Variants in NRXN1 observed in about 807,000 individuals in gnomAD.
NRXN1 encodes neurexin 1.
NRXN1 carries 39 observed loss-of-function variants against 150.9 expected under a neutral mutation model. That is an observed-to-expected ratio of 0.26 (90% CI 0.20 to 0.34). The LOEUF is 0.34. Ranked by LOEUF, NRXN1 falls within the 10% of genes least tolerant of loss-of-function variation. The pLI is 1.00. For missense variants in NRXN1, 1,815 were observed against 1,949.9 expected (o/e 0.93, Z 1.30); for synonymous variants, 924 against 757.0 (o/e 1.22, Z -3.62).
chr2:51,006,664 A>T (rs966949143), intron 2 of NRXN1, among the ~76,000 whole-genome samples: 24 of 151,906 alleles, frequency 1.6e-4, no homozygotes, highest in African/African-American at 5.3e-4. Context: ...CTTGCCCCTT[A>T]ATATAGTTAC....
rs909100538 is a variant in NRXN1 at position 50,506,611 on chromosome 2, C to T, written c.2381G>A (p.Gly794Asp). 2.5e-6 allele frequency: 4 copies of T among 1,613,020 alleles called. No individual in the cohort carries two copies. Among genetic ancestry groups the T allele is most frequent in the Non-Finnish European group, 3.4e-6 (4 of 1,179,390 alleles). ...ATAGCCAGCAAAAAGAGTCTCGGGA[C>T]CTTTGCCTGTAGAATATGCCAAACA... The part of the protein sequence containing the change: ...CIRINCNSSK[G>D]PETLFAGYNL... The change falls in exon 13 of 23, where the codon GGT (glycine) becomes GAT (aspartate). Residue 794 changes from glycine (G) to aspartate (D), a missense_variant. Physicochemically the swap from Gly to Asp is moderately conservative, Grantham distance 94 (BLOSUM62 -1). Around this residue, in one of 6 missense-constraint regions of NRXN1, gnomAD observed 638 missense variants for 652.6 expected, o/e 0.98. Transcript: ENST00000401669.
rs141595520 is a variant in NRXN1 at position 50,680,497 on chromosome 2, T to C, written c.833-56882A>G. ...GGTAAAATACAGTTAAAGAGCAACATTGTTATAATGTTGATACAAAGTCAA... is the reference window on the plus strand; with the variant it reads ...GGTAAAATACAGTTAAAGAGCAACACTGTTATAATGTTGATACAAAGTCAA... On this transcript the variant is annotated intron_variant, in intron 5 of 22. Transcript: ENST00000401669. Among the ~76,000 whole-genome samples the C allele has an allele frequency of 2.1e-3, 323 of 152,178 alleles. 2 individuals are homozygous for C. Among genetic ancestry groups the C allele is most frequent in the African/African-American group, 7.4e-3 (306 of 41,544 alleles).
intron 17 of NRXN1, among the ~76,000 whole-genome samples, chr2:50,240,275 T>C (rs963936770): frequency 6.6e-6 from 1 of 151,740 alleles, no homozygotes; most frequent in African/African-American, 2.4e-5. Context: ...CCACCAGATA[T>C]ATCCTGAGAG....
At chr2:50,042,745 G>T (rs1187731294) in intron 21 of NRXN1, among the ~76,000 whole-genome samples, 2 of 151,902 alleles carry the variant, frequency 1.3e-5, no homozygotes, top group African/African-American at 4.8e-5. Context: ...AAAACTTAAG[G>T]TTATAATCTC....
chr2:50,284,049 G>A (rs2071798981), intron 17 of NRXN1, among the ~76,000 whole-genome samples: 1 of 152,128 alleles, frequency 6.6e-6, no homozygotes, highest in Non-Finnish European at 1.5e-5. Flanking sequence ...GCAAAGTGAT[G>A]CATCACAAAT....
intron 17 of NRXN1, among the ~76,000 whole-genome samples, chr2:50,328,149 G>A (rs537169657): frequency 2.0e-5 from 3 of 152,150 alleles, no homozygotes; most frequent in African/African-American, 7.2e-5. Flanking sequence ...ACCTAGGGTG[G>A]CTTTGAATGT....
At chr2:50,019,947 C>CAAAAAAAAAAAAAAAAAAAAA (rs1161865745) in intron 21 of NRXN1, among the ~76,000 whole-genome samples, 2 of 43,358 alleles carry the variant, frequency 4.6e-5, no homozygotes, top group Non-Finnish European at 9.8e-5. Context: ...GACTCCGTCT[C>CAAAAAAAAAAAAAAAAAAAAA]AAAAAAAAAA....
intron 18 of NRXN1, among the ~76,000 whole-genome samples, chr2:50,163,849 G>T (rs2059513694): frequency 6.6e-6 from 1 of 152,136 alleles, no homozygotes; most frequent in Non-Finnish European, 1.5e-5. Context: ...GCTGAACCAA[G>T]TTCATAAGCA....
intron 5 of NRXN1, among the ~76,000 whole-genome samples, chr2:50,718,229 A>T (rs1243512334): frequency 1.3e-5 from 2 of 152,176 alleles, no homozygotes; most frequent in African/African-American, 4.8e-5. Context: ...ATTTTATACA[A>T]ACACATATAA....
chr2:50,033,624 A>C (rs2152569852), intron 21 of NRXN1, among the ~76,000 whole-genome samples: 1 of 152,254 alleles, frequency 6.6e-6, no homozygotes, highest in South Asian at 2.1e-4. Context: ...AAATTTGACA[A>C]ACAGGATCTA....
chr2:50,346,427 C>T lies in NRXN1; in HGVS notation c.3365-109457G>A, dbSNP rs2077976593. ...GCCCAGCCGCGCGACCAGGGCTGGT[C>T]CTTTAGTAGGTGTCCACATCTCTCT... is the stretch of plus-strand genomic sequence containing the variant. On this transcript the variant is annotated intron_variant, in intron 17 of 22. Coordinates refer to ENST00000401669, the MANE Select transcript of NRXN1 (RefSeq NM_001330078.2). The surrounding 1 kb of genome is among the most constrained non-coding windows in gnomAD (Gnocchi z 5.0). Among the ~76,000 whole-genome samples, 1 of 152,076 alleles carries T rather than the reference C, an allele frequency of 6.6e-6. No homozygotes were observed. Among genetic ancestry groups the T allele is most frequent in the African/African-American group, 2.4e-5 (1 of 41,412 alleles).
At chr2:50,723,759 A>T (rs888033995) in intron 5 of NRXN1, among the ~76,000 whole-genome samples, 3 of 152,218 alleles carry the variant, frequency 2.0e-5, no homozygotes, top group Non-Finnish European at 4.4e-5. Flanking sequence ...TCAGGGTACC[A>T]ACAGGAGACT....
chr2:51,027,484 T>C lies in NRXN1; in HGVS notation c.772+18A>G, dbSNP rs750968903. On this transcript the variant is annotated intron_variant, in intron 2 of 22. Coordinates refer to ENST00000401669, the MANE Select transcript of NRXN1 (RefSeq NM_001330078.2). Reference sequence around the variant, plus strand: ...CCGCCCAGGCCCCGGCCCCCGTGGGTCGGGCGTCGGGCCTTACCTTGGCTG... The same window carrying C: ...CCGCCCAGGCCCCGGCCCCCGTGGGCCGGGCGTCGGGCCTTACCTTGGCTG... The C allele has an allele frequency of 2.0e-6, 3 of 1,492,580 alleles. No homozygotes were observed. The highest frequency in any genetic ancestry group is 2.7e-6 in the Non-Finnish European group (3 of 1,124,556). 92.5% of individuals were successfully genotyped at this position (1,492,580 alleles called of 1,614,324 possible).
chr2:50,809,018 T>C (rs935432902), intron 5 of NRXN1, among the ~76,000 whole-genome samples: 15 of 152,116 alleles, frequency 9.9e-5, no homozygotes, highest in African/African-American at 3.6e-4. Context: ...GTCTCTGGCC[T>C]GGTCACACAG....
chr2:50,642,745 G>A (rs1321227840), intron 5 of NRXN1, among the ~76,000 whole-genome samples: 1 of 151,950 alleles, frequency 6.6e-6, no homozygotes, highest in Admixed American at 6.6e-5. Context: ...AAAATATGCA[G>A]AGTTAAGCGT....
At chr2:50,503,861 G>A (rs2092083315) in intron 13 of NRXN1, among the ~76,000 whole-genome samples, 1 of 152,112 alleles carries the variant, frequency 6.6e-6, no homozygotes, top group Admixed American at 6.6e-5. Flanking sequence ...TGGACAACAT[G>A]TTGACCAAGT....
At chr2:50,876,738 C>T (rs1043921131) in intron 5 of NRXN1, among the ~76,000 whole-genome samples, 6 of 151,758 alleles carry the variant, frequency 4.0e-5, no homozygotes, top group Non-Finnish European at 8.8e-5. Flanking sequence ...ATTTGCCTAC[C>T]GTTCGGCTCT....
At chr2:50,560,687 C>G (rs774234661) in intron 8 of NRXN1, among the ~76,000 whole-genome samples, 3 of 152,072 alleles carry the variant, frequency 2.0e-5, no homozygotes, top group African/African-American at 7.2e-5. Context: ...CTGCTTTGGC[C>G]TCCCAAACTA....
At chr2:50,019,918 G>A (rs6722605) in intron 21 of NRXN1, among the ~76,000 whole-genome samples, 91,895 of 130,144 alleles carry the variant, frequency 0.71, 32,752 homozygotes, top group African/African-American at 0.76. Context: ...ACTGCACTCC[G>A]GCCTGGGTGA....
Sources: gnomAD v4.1 joint callset for allele counts (sites outside exome capture counted in the v4.1 genomes callset) on GRCh38, gnomAD v4.1.1 for gene constraint, gnomAD v4.1.1 regional missense constraint, Gnocchi (gnomAD v3.1) non-coding constraint, MANE v1.5 for transcripts, NCBI Gene and HGNC (gene_info 2026-07-23, HGNC 2026-07-21) for gene names.